Variants in ESRRG observed in about 807,000 individuals in gnomAD.
The protein encoded by ESRRG is estrogen-related receptor gamma.
A neutral mutation model predicts 44.0 loss-of-function variants in ESRRG; 13 were observed. The observed-to-expected ratio is 0.30, with a 90% confidence interval of 0.19 to 0.47. The LOEUF (loss-of-function observed/expected upper bound fraction) is 0.47. Ranked by LOEUF, ESRRG falls within the 20% of genes least tolerant of loss-of-function variation. The probability of loss-of-function intolerance (pLI) is 1.00; values close to 1 mark genes in which losing one functional copy is unlikely to be tolerated. For synonymous variants in ESRRG, 215 were observed against 214.6 expected, an observed-to-expected ratio of 1.00 and a Z score of -0.02; for missense variants, 395 against 580.6, an observed-to-expected ratio of 0.68 and a Z score of 3.29.
In ESRRG at chr1:216,837,410, C is replaced by CAAAAA. The variant is rs3072231; in HGVS notation, c.-14+102167_-14+102171dup. Among the ~76,000 whole-genome samples the CAAAAA allele has an allele frequency of 3.0e-3, 452 of 148,300 alleles. 3 individuals are homozygous for CAAAAA. The highest frequency in any genetic ancestry group is 0.011 in the African/African-American group (431 of 39,794). On this transcript the variant is annotated intron_variant, in intron 2 of 7. Transcript: ENST00000359162. Reference sequence around the variant, plus strand: ...TGGGCAACACAGCAAGACTCCGTATCAAAAAAAAAATACAACTTTTTCCAT... The same window carrying CAAAAA: ...TGGGCAACACAGCAAGACTCCGTATCAAAAAAAAAAAAAAATACAACTTTTTCCAT...
At chr1:216,718,343 C>T (rs987425902) in intron 1 of ESRRG, among the ~76,000 whole-genome samples, 3 of 151,906 alleles carry the variant, frequency 2.0e-5, no homozygotes, top group African/African-American at 7.2e-5. Context: ...GCATACTATA[C>T]ATGCACACAA....
intron 2 of ESRRG, among the ~76,000 whole-genome samples, chr1:216,854,087 G>C (rs1015673859): frequency 6.6e-6 from 1 of 151,940 alleles, no homozygotes; most frequent in African/African-American, 2.4e-5. Context: ...GGCAGGGTGC[G>C]GTGGCTCATG....
chr1:216,648,056 A>T (rs1163169609), intron 3 of ESRRG, among the ~76,000 whole-genome samples: 2 of 152,160 alleles, frequency 1.3e-5, no homozygotes, highest in African/African-American at 4.8e-5. Context: ...ACAGGTTTAC[A>T]TTTGAATAGA....
At position 216,833,441 on chromosome 1, in the gene ESRRG, C is replaced by A. The variant is rs539634152; in HGVS notation, c.-14+106141G>T. Among the ~76,000 whole-genome samples the A allele has an allele frequency of 3.3e-5, 5 of 152,272 alleles. No homozygotes were observed. In the South Asian group the frequency reaches 1.0e-3, roughly 32 times the overall value. On this transcript the variant is annotated intron_variant, in intron 2 of 7. Transcript: ENST00000359162. ...CCTGGGCTATCTGTACTAATAATTA[C>A]AAGATATCTGCTTGTAGATTTGTAG...
intron 1 of ESRRG, among the ~76,000 whole-genome samples, chr1:217,073,727 G>A (rs2090899845): frequency 1.3e-5 from 2 of 151,886 alleles, no homozygotes; most frequent in African/African-American, 4.8e-5. Context: ...AGGAAGGAAA[G>A]AAGGAAGAAA....
chr1:217,027,597 A>G (rs1434810409), intron 1 of ESRRG, among the ~76,000 whole-genome samples: 1 of 152,178 alleles, frequency 6.6e-6, no homozygotes, highest in Non-Finnish European at 1.5e-5. Flanking sequence ...AACTGCAAGC[A>G]GAGAGCCGCA....
At position 216,903,428 on chromosome 1, in the gene ESRRG, AGTGTGTGT is replaced by A. The variant is rs58137897; in HGVS notation, c.-14+36146_-14+36153del. ...ATATATGTGTGGTTGTGTGTGTTCA[AGTGTGTGT>A]GTGTGTGTGTGTGTGTGTGTGTCGG... is the stretch of plus-strand genomic sequence containing the variant. On this transcript the variant is annotated intron_variant, in intron 2 of 7. Transcript: ENST00000359162. 8.5e-3 allele frequency among the ~76,000 whole-genome samples: 1,257 copies of A among 148,292 alleles called. 17 individuals carry two copies. Among genetic ancestry groups the A allele is most frequent in the East Asian group, 0.016 (81 of 4,972 alleles).
chr1:216,692,872 A>G (rs1442685185), intron 1 of ESRRG, among the ~76,000 whole-genome samples: 2 of 152,246 alleles, frequency 1.3e-5, no homozygotes, highest in East Asian at 1.9e-4. Flanking sequence ...TCTAGGTTAT[A>G]TGACATAGCC....
intron 1 of ESRRG, among the ~76,000 whole-genome samples, chr1:216,942,789 G>C (rs2065461736): frequency 6.6e-6 from 1 of 152,052 alleles, no homozygotes. Flanking sequence ...AGTTGTTCAA[G>C]TTCCTTGTAG....
chr1:216,825,932 A>G (rs1301141443), intron 2 of ESRRG, among the ~76,000 whole-genome samples: 1 of 152,164 alleles, frequency 6.6e-6, no homozygotes, highest in East Asian at 1.9e-4. Flanking sequence ...AAAACCTCCC[A>G]ACCAATGAAG....
intron 2 of ESRRG, among the ~76,000 whole-genome samples, chr1:216,896,592 C>A (rs2149447759): frequency 6.6e-6 from 1 of 152,230 alleles, no homozygotes; most frequent in East Asian, 1.9e-4. Context: ...ATCGCTGAAG[C>A]AAAACATGTT....
intron 1 of ESRRG, among the ~76,000 whole-genome samples, chr1:217,109,882 TA>T (rs2092641753): frequency 6.6e-6 from 1 of 152,234 alleles, no homozygotes; most frequent in Non-Finnish European, 1.5e-5. Context: ...TAGTGAATTC[TA>T]AAAGGTTTTA....
chr1:216,913,374 C>T (rs6701096), intron 2 of ESRRG, among the ~76,000 whole-genome samples: 2,113 of 147,448 alleles, frequency 0.014, 58 homozygotes, highest in African/African-American at 0.05. Context: ...TCATGGATTT[C>T]GGTCGGGGGT....
At position 216,918,341 on chromosome 1, in the gene ESRRG, C is replaced by G. The variant is rs535863145; in HGVS notation, c.-14+21241G>C. On this transcript the variant is annotated intron_variant, in intron 2 of 7. Coordinates refer to the ESRRG transcript ENST00000359162. Reference sequence around the variant, plus strand: ...TTGGAAAAGCAATATGTGCCCTGCTCTCTCTTTCAAAGGAACACCTTGCTG... The same window carrying G: ...TTGGAAAAGCAATATGTGCCCTGCTGTCTCTTTCAAAGGAACACCTTGCTG... 6.6e-4 allele frequency among the ~76,000 whole-genome samples: 100 copies of G among 152,244 alleles called. 2 individuals carry two copies. In the Middle Eastern group the frequency reaches 0.01, roughly 16 times the overall value.
At chr1:216,840,723 T>A (rs9787079) in intron 2 of ESRRG, among the ~76,000 whole-genome samples, 28,358 of 151,980 alleles carry the variant, frequency 0.19, 2,740 homozygotes, top group Admixed American at 0.24. Flanking sequence ...ATAGGTTGTG[T>A]CTGGGGGAAT....
upstream of ESRRG, among the ~76,000 whole-genome samples, chr1:216,724,094 G>A (rs774789761): frequency 6.6e-6 from 1 of 152,190 alleles, no homozygotes; most frequent in Non-Finnish European, 1.5e-5. Flanking sequence ...CGTCATCTCT[G>A]AGGTGGAATG....
intron 1 of ESRRG, among the ~76,000 whole-genome samples, chr1:216,997,519 A>G (rs1553762568): frequency 2.0e-5 from 3 of 152,094 alleles, no homozygotes; most frequent in Admixed American, 6.5e-5. Flanking sequence ...TGAGTCCCCA[A>G]CCTTTGATGT....
chr1:216,552,504 T>C (rs1314068287), intron 5 of ESRRG, among the ~76,000 whole-genome samples: 3 of 152,182 alleles, frequency 2.0e-5, no homozygotes, highest in Non-Finnish European at 4.4e-5. Flanking sequence ...TGAAATTATA[T>C]GTCAAAGATT....
intron 2 of ESRRG, among the ~76,000 whole-genome samples, chr1:216,804,032 TAAAA>T (rs5780927): frequency 6.7e-6 from 1 of 149,520 alleles, no homozygotes; most frequent in Non-Finnish European, 1.5e-5. Context: ...TAAGGCAGAA[TAAAA>T]AAAAAATATT....
Sources: gnomAD v4.1 joint callset for allele counts (sites outside exome capture counted in the v4.1 genomes callset) on GRCh38, gnomAD v4.1.1 for gene constraint, MANE v1.5 for transcripts, NCBI Gene and HGNC (gene_info 2026-07-23, HGNC 2026-07-21) for gene names.